Variants in SNAP91 observed in about 807,000 individuals in gnomAD.
SNAP91 encodes the protein clathrin coat assembly protein AP180.
A neutral mutation model predicts 100.3 loss-of-function variants in SNAP91; 27 were observed. That is an observed-to-expected ratio of 0.27 (90% CI 0.20 to 0.37). SNAP91 has a LOEUF of 0.37. Among genes scored for constraint, SNAP91 ranks in the 10% least tolerant of loss-of-function variants. SNAP91 has a pLI of 1.00. For synonymous variants in SNAP91, 404 were observed against 398.6 expected (o/e 1.01, Z -0.16); for missense variants, 986 against 1,123.7 (o/e 0.88, Z 1.75).
At chr6:83,610,732 T>A (rs866199025) in intron 11 of SNAP91, 55 bp from the exon 12 acceptor site, 1 of 210,082 alleles carries the variant, frequency 4.8e-6, no homozygotes, top group South Asian at 2.1e-4. Flanking sequence ...TATATATATA[T>A]ATATATATAT....
chr6:83,628,326 TAAAC>T (rs570576720), intron 8 of SNAP91, among the ~76,000 whole-genome samples: 98 of 151,280 alleles, frequency 6.5e-4, no homozygotes, highest in African/African-American at 1.9e-3. Flanking sequence ...TGTGCTGCTA[TAAAC>T]ATGTGTGTGC....
intron 2 of SNAP91, among the ~76,000 whole-genome samples, chr6:83,678,322 A>C (rs2098938256): frequency 1.3e-5 from 2 of 152,090 alleles, no homozygotes; most frequent in African/African-American, 4.8e-5. Flanking sequence ...TCTAACCCTC[A>C]TGCTCTAACC....
intron 8 of SNAP91, among the ~76,000 whole-genome samples, chr6:83,636,167 T>A (rs2097437110): frequency 1.3e-5 from 2 of 152,162 alleles, no homozygotes; most frequent in African/African-American, 2.4e-5. Context: ...TTGTATAGTA[T>A]CTTGTAGGGG....
intron 9 of SNAP91, among the ~76,000 whole-genome samples, chr6:83,618,002 A>T (rs567485656): frequency 6.6e-6 from 1 of 152,036 alleles, no homozygotes; most frequent in South Asian, 2.1e-4. Flanking sequence ...ACATTGAAGT[A>T]ACTATGGTAA....
intron 2 of SNAP91, among the ~76,000 whole-genome samples, chr6:83,698,971 C>T (rs1450891604): frequency 2.0e-5 from 3 of 152,124 alleles, no homozygotes; most frequent in African/African-American, 4.8e-5. Flanking sequence ...TTTTGGTTTT[C>T]TGAGCATTTT....
At chr6:83,630,442 T>C (rs182408093) in intron 8 of SNAP91, among the ~76,000 whole-genome samples, 39 of 152,272 alleles carry the variant, frequency 2.6e-4, no homozygotes, top group African/African-American at 8.9e-4. Flanking sequence ...CTTCTTTCAA[T>C]GTCTGGTAGA....
chr6:83,605,570 A>C, intron 14 of SNAP91, 115 bp downstream of exon 14: 2 of 1,372,750 alleles, frequency 1.5e-6, no homozygotes, highest in Non-Finnish European at 2.0e-6. Context: ...TTTTCCCTCC[A>C]AGTTTCTAAT....
intron 2 of SNAP91, chr6:83,686,127 C>A: frequency 1.0e-6 from 1 of 980,352 alleles, no homozygotes; most frequent in Non-Finnish European, 1.2e-6. Context: ...TCTGCTTTTA[C>A]CTCAGTTGCT....
intron 2 of SNAP91, among the ~76,000 whole-genome samples, chr6:83,671,119 C>A (rs1427540057): frequency 6.6e-6 from 1 of 151,900 alleles, no homozygotes; most frequent in Non-Finnish European, 1.5e-5. Flanking sequence ...GGCATCTTAA[C>A]AATATTGAGT....
chr6:83,616,067 T>G (rs1221582800), intron 10 of SNAP91, among the ~76,000 whole-genome samples: 11 of 152,168 alleles, frequency 7.2e-5, no homozygotes, highest in Admixed American at 2.0e-4. Context: ...AAGTATAAAA[T>G]AGTCCCTAAC....
intron 10 of SNAP91, among the ~76,000 whole-genome samples, chr6:83,616,073 C>T (rs150814636): frequency 1.5e-3 from 235 of 152,212 alleles, no homozygotes; most frequent in Admixed American, 0.012. Flanking sequence ...AAAATAGTCC[C>T]TAACCTTTAG....
intron 22 of SNAP91, among the ~76,000 whole-genome samples, chr6:83,584,624 G>A (rs2092012482): frequency 1.3e-5 from 2 of 152,270 alleles, no homozygotes; most frequent in South Asian, 2.1e-4. Context: ...CCCTATGAAC[G>A]ACACGAATGG....
chr6:83,601,258 G>T lies in SNAP91; in HGVS notation c.1324+13C>A, dbSNP rs773963097. ...ATCCTGAAAAAATGAAAGTAGCAGC[G>T]AGACTAACTAACCTCCAAAGAGATC... On this transcript the variant is annotated intron_variant, in intron 16 of 29. Transcript: ENST00000369694. 1 of 1,612,172 alleles carries T rather than the reference G, an allele frequency of 6.2e-7. No individual in the cohort carries two copies. The highest frequency in any genetic ancestry group is 8.5e-7 in the Non-Finnish European group (1 of 1,178,794).
At chr6:83,669,884 T>C (rs1406952476) in intron 2 of SNAP91, among the ~76,000 whole-genome samples, 1 of 152,022 alleles carries the variant, frequency 6.6e-6, no homozygotes, top group East Asian at 1.9e-4. Flanking sequence ...AATTATTTAT[T>C]CATTCACCTG....
At chr6:83,663,130 G>T (rs980236270) in intron 3 of SNAP91, among the ~76,000 whole-genome samples, 2 of 152,114 alleles carry the variant, frequency 1.3e-5, no homozygotes, top group African/African-American at 4.8e-5. Context: ...TGTGGCATAT[G>T]TTCTGACTGC....
At chr6:83,572,866 C>T (rs1008323708) in intron 26 of SNAP91, among the ~76,000 whole-genome samples, 2 of 152,166 alleles carry the variant, frequency 1.3e-5, no homozygotes, top group Non-Finnish European at 2.9e-5. Flanking sequence ...TATTAACAGA[C>T]TCACCAAATC....
intron 8 of SNAP91, among the ~76,000 whole-genome samples, chr6:83,627,678 G>A (rs1421717058): frequency 6.6e-6 from 1 of 151,772 alleles, no homozygotes; most frequent in Non-Finnish European, 1.5e-5. Context: ...TTCTATTTTT[G>A]TGGGATCAAT....
intron 11 of SNAP91, among the ~76,000 whole-genome samples, chr6:83,610,925 A>T (rs372673404): frequency 2.0e-5 from 3 of 151,730 alleles, no homozygotes; most frequent in Non-Finnish European, 2.9e-5. Flanking sequence ...AATTTCCAGT[A>T]CTAGAAATAC....
At chr6:83,667,803 C>T (rs552983163) in intron 2 of SNAP91, among the ~76,000 whole-genome samples, 69 of 151,922 alleles carry the variant, frequency 4.5e-4, no homozygotes, top group Middle Eastern at 6.8e-3. Flanking sequence ...CCAAAAGCAA[C>T]GGCAACAAAA....
Sources: gnomAD v4.1 joint callset for allele counts (sites outside exome capture counted in the v4.1 genomes callset) on GRCh38, gnomAD v4.1.1 for gene constraint, MANE v1.5 for transcripts, NCBI Gene and HGNC (gene_info 2026-07-23, HGNC 2026-07-21) for gene names.